SLC35F4: variants seen among roughly 807,000 people sequenced by gnomAD.
SLC35F4 encodes the protein solute carrier family 35 member F4.
SLC35F4 carries 24 observed loss-of-function variants against 44.2 expected under a neutral mutation model. The observed-to-expected ratio is 0.54, with a 90% CI of 0.39 to 0.76. The LOEUF is 0.76. SLC35F4 is among the 30% of genes least tolerant of loss of function. The pLI, the probability that SLC35F4 is intolerant of heterozygous loss-of-function variation, is 0.00. For synonymous variants in SLC35F4, 238 were observed against 223.6 expected, an observed-to-expected ratio of 1.06 and a Z score of -0.57; for missense variants, 562 against 586.1, an observed-to-expected ratio of 0.96 and a Z score of 0.42.
intron 1 of SLC35F4, among the ~76,000 whole-genome samples, chr14:57,615,726 G>A (rs1328373180): frequency 6.6e-6 from 1 of 152,086 alleles, no homozygotes; most frequent in Non-Finnish European, 1.5e-5. Flanking sequence ...TTATGTACTG[G>A]CTTTTACCAA....
At chr14:57,689,394 G>A (rs920087384) in intron 1 of SLC35F4, among the ~76,000 whole-genome samples, 12 of 151,880 alleles carry the variant, frequency 7.9e-5, no homozygotes, top group East Asian at 1.9e-4. Context: ...TCCAAGAGTC[G>A]CCCAAGAAAG....
intron 1 of SLC35F4, among the ~76,000 whole-genome samples, chr14:57,620,864 G>A (rs200527923): frequency 6.6e-6 from 1 of 152,118 alleles, no homozygotes; most frequent in African/African-American, 2.4e-5. Context: ...TAGGAAAAGA[G>A]GAAGTCAAAT....
Position 57,685,227 on chromosome 14 carries a change from G to C in SLC35F4, c.104-91103C>G, listed in dbSNP as rs569852238. On this transcript the variant is annotated intron_variant, in intron 1 of 7. Coordinates refer to ENST00000556826, the MANE Select transcript of SLC35F4 (RefSeq NM_001306087.2). ...CAGACCTTTAGGCCTCCCACTTCTG[G>C]TGGCATCAATTGTGAGATTTGCACT... 3.3e-5 allele frequency among the ~76,000 whole-genome samples: 5 copies of C among 152,164 alleles called. No homozygotes were observed. The East Asian group carries it at 9.7e-4, about 30-fold the overall frequency.
intron 1 of SLC35F4, among the ~76,000 whole-genome samples, chr14:57,701,979 G>T (rs1468488981): frequency 6.6e-6 from 1 of 152,114 alleles, no homozygotes; most frequent in Non-Finnish European, 1.5e-5. Context: ...GACTAAATAT[G>T]CAATAGTAAT....
intron 1 of SLC35F4, among the ~76,000 whole-genome samples, chr14:57,807,075 A>G (rs1335549384): frequency 6.6e-6 from 1 of 152,208 alleles, no homozygotes; most frequent in African/African-American, 2.4e-5. Context: ...TGCATTTAAA[A>G]TCTAGAAACA....
chr14:57,909,300 T>C (rs2141050260), intron 1 of SLC35F4, among the ~76,000 whole-genome samples: 1 of 152,258 alleles, frequency 6.6e-6, no homozygotes, highest in South Asian at 2.1e-4. Flanking sequence ...ACAAAATCCA[T>C]AGTTTACATT....
chr14:57,964,069 T>C (rs1033964281), intron 1 of SLC35F4, among the ~76,000 whole-genome samples: 3 of 152,122 alleles, frequency 2.0e-5, no homozygotes, highest in Admixed American at 6.6e-5. Context: ...CAATTGTAGT[T>C]GAGCATTTAT....
Position 57,959,810 on chromosome 14 carries a change from C to T in SLC35F4, n.282+22103G>A, listed in dbSNP as rs112076388. Among the ~76,000 whole-genome samples the T allele has an allele frequency of 7.3e-3, 1,116 of 152,208 alleles. 14 individuals are homozygous for T. Among genetic ancestry groups the T allele is most frequent in the African/African-American group, 0.025 (1,056 of 41,510 alleles). On this transcript the variant is annotated intron_variant and non_coding_transcript_variant, in intron 1 of 1. Coordinates refer to the SLC35F4 transcript ENST00000556568. ...AATGCCTGGCACAGACAAAGAACCC[C>T]GTAAATGTCAGTTACAATTGCTATG...
intron 1 of SLC35F4, among the ~76,000 whole-genome samples, chr14:57,915,415 A>G (rs1038993348): frequency 2.0e-5 from 3 of 152,126 alleles, no homozygotes; most frequent in African/African-American, 4.8e-5. Flanking sequence ...ATACTCTTTT[A>G]TGCTTTACAT....
chr14:57,716,556 A>G (rs901509597), intron 1 of SLC35F4, among the ~76,000 whole-genome samples: 13 of 152,186 alleles, frequency 8.5e-5, no homozygotes, highest in Admixed American at 7.2e-4. Flanking sequence ...TTATGCTATT[A>G]ACAATTACTC....
At chr14:57,871,117 G>T (rs1173644257) in intron 1 of SLC35F4, among the ~76,000 whole-genome samples, 1 of 152,226 alleles carries the variant, frequency 6.6e-6, no homozygotes, top group Non-Finnish European at 1.5e-5. Flanking sequence ...CCCCATGGGA[G>T]GCAGGCCCAT....
At chr14:57,905,643 A>G (rs1040114633) in intron 1 of SLC35F4, among the ~76,000 whole-genome samples, 1 of 152,218 alleles carries the variant, frequency 6.6e-6, no homozygotes, top group Non-Finnish European at 1.5e-5. Context: ...TGTGAATGCC[A>G]GCATCTGAAA....
At chr14:57,839,258 C>T (rs114780245) in intron 1 of SLC35F4, among the ~76,000 whole-genome samples, 194 of 152,212 alleles carry the variant, frequency 1.3e-3, no homozygotes, top group African/African-American at 4.5e-3. Flanking sequence ...TAGAAAACTC[C>T]ACTCCTTCTT....
At chr14:57,805,688 GTGA>G (rs1216505843) in intron 1 of SLC35F4, among the ~76,000 whole-genome samples, 2 of 152,118 alleles carry the variant, frequency 1.3e-5, no homozygotes, top group Non-Finnish European at 2.9e-5. Context: ...TAATACTTAG[GTGA>G]TGGGATGATC....
At chr14:57,886,826 G>A (rs1214367888) in intron 1 of SLC35F4, among the ~76,000 whole-genome samples, 1 of 152,066 alleles carries the variant, frequency 6.6e-6, no homozygotes, top group Non-Finnish European at 1.5e-5. Context: ...AATTAACCAG[G>A]CATAAAAAAT....
At chr14:57,763,455 A>G (rs926103264) in intron 1 of SLC35F4, among the ~76,000 whole-genome samples, 1 of 152,162 alleles carries the variant, frequency 6.6e-6, no homozygotes, top group Non-Finnish European at 1.5e-5. Context: ...CAAACTCCAG[A>G]GTCAGAATAG....
At chr14:57,773,441 G>A (rs2077415639) in intron 1 of SLC35F4, among the ~76,000 whole-genome samples, 1 of 152,154 alleles carries the variant, frequency 6.6e-6, no homozygotes, top group South Asian at 2.1e-4. Flanking sequence ...AAACAGTTAA[G>A]TGTTACATTT....
chr14:57,705,909 A>G (rs1206601924), intron 1 of SLC35F4, among the ~76,000 whole-genome samples: 2 of 151,358 alleles, frequency 1.3e-5, no homozygotes, highest in Admixed American at 6.6e-5. Flanking sequence ...GTTGTCTTCA[A>G]CTTTTCCCAC....
intron 1 of SLC35F4, among the ~76,000 whole-genome samples, chr14:57,953,532 C>A (rs569675255): frequency 2.0e-5 from 3 of 152,034 alleles, no homozygotes; most frequent in African/African-American, 7.2e-5. Flanking sequence ...TCCAGGAGAA[C>A]CATCTCATGT....
Sources: gnomAD v4.1 joint callset for allele counts (sites outside exome capture counted in the v4.1 genomes callset) on GRCh38, gnomAD v4.1.1 for gene constraint, MANE v1.5 for transcripts, NCBI Gene and HGNC (gene_info 2026-07-23, HGNC 2026-07-21) for gene names.